Variants in CDH24 observed in about 807,000 individuals in gnomAD.
CDH24 encodes cadherin 24, also known as cadherin-24.
A neutral mutation model predicts 71.2 loss-of-function variants in CDH24; 61 were observed. The ratio of observed to expected loss-of-function variants is 0.86; its 90% CI spans 0.70 to 1.06. CDH24 has a LOEUF of 1.06. CDH24 is among the 50% of genes least tolerant of loss of function. The probability of loss-of-function intolerance (pLI) is 0.00; values close to 1 mark genes in which losing one functional copy is unlikely to be tolerated. For missense variants in CDH24, 961 were observed against 1,083.7 expected (o/e 0.89, Z 1.59); for synonymous variants, 440 against 470.2 (o/e 0.94, Z 0.83).
chr14:23,055,445 G>A lies in CDH24; in HGVS notation c.201+88C>T, dbSNP rs2047121263. The A allele has an allele frequency of 1.9e-6, 3 of 1,585,902 alleles. No homozygotes were observed. The highest frequency in any genetic ancestry group is 1.9e-4 in the Middle Eastern group (1 of 5,298). On this transcript the variant is annotated intron_variant, in intron 2 of 12. Transcript: ENST00000487137. This position sits in a 1 kb window ranked among gnomAD's most constrained non-coding sequence, Gnocchi z 4.1. ...TGGGTAGAGCGTTGGGAGTCCTGAG[G>A]GACCAAGGTCATTGCAGAAGTGATG...
Position 23,054,356 on chromosome 14 carries a change from C to T in CDH24, c.785-28G>A. 6.4e-7 allele frequency: 1 copy of T among 1,553,736 alleles called. No homozygotes were observed. The highest frequency in any genetic ancestry group is 8.7e-7 in the Non-Finnish European group (1 of 1,147,290). On this transcript the variant is annotated intron_variant, in intron 5 of 12. Coordinates refer to ENST00000487137, the MANE Select transcript of CDH24 (RefSeq NM_144985.4). The surrounding 1 kb of genome is among the most constrained non-coding windows in gnomAD (Gnocchi z 5.2). ...TGGGATGACAGAGGGGAGACACCTTCTCAGAGAGGTCCCCAGCCCTCCTCC... is the reference window on the plus strand; with the variant it reads ...TGGGATGACAGAGGGGAGACACCTTTTCAGAGAGGTCCCCAGCCCTCCTCC...
intron 8 of CDH24, among the ~76,000 whole-genome samples, chr14:23,050,493 C>CCACACACACACACACACA (rs10553168): frequency 1.4e-5 from 2 of 144,784 alleles, no homozygotes; most frequent in African/African-American, 5.1e-5. Flanking sequence ...CATATACACA[C>CCACACACACACACACACA]CACACACACA....
chr14:23,047,943 G>GT lies in CDH24; in HGVS notation c.*36_*37insA. 9.1e-7 allele frequency: 1 copy of GT among 1,094,192 alleles called. No individual in the cohort carries two copies. Among genetic ancestry groups the GT allele is most frequent in the Non-Finnish European group, 1.2e-6 (1 of 861,684 alleles). 67.8% of individuals were successfully genotyped at this position (1,094,192 alleles called of 1,614,324 possible). A position where few individuals can be genotyped will look rare whatever the true frequency, so the allele number is the denominator to read the frequency against. ...CTCACTCAGAGGGCCTGTGCCCGCT[G>GT]CCCCCCCCCCGCGGTGGGCCGGGCC... is the stretch of plus-strand genomic sequence containing the variant. On this transcript the variant is annotated 3_prime_UTR_variant, in exon 12 of 13. Coordinates refer to ENST00000487137, the MANE Select transcript of CDH24 (RefSeq NM_144985.4).
chr14:23,049,000 G>A (rs1340926816), intron 11 of CDH24, 27 bp downstream of exon 11: 1 of 1,605,090 alleles, frequency 6.2e-7, no homozygotes, highest in Non-Finnish European at 8.5e-7. Flanking sequence ...AGATCGCACA[G>A]CTATGTACCA....
At position 23,055,767 on chromosome 14, in the gene CDH24, C is replaced by G; in HGVS notation, c.-34G>C. ...TCCAGCCAGGGCTCTGTTCACTGGCCCTGGGTGCTGAGGCTGGGCCAGGCC... is the reference window on the plus strand; with the variant it reads ...TCCAGCCAGGGCTCTGTTCACTGGCGCTGGGTGCTGAGGCTGGGCCAGGCC... On this transcript the variant is annotated 5_prime_UTR_variant, in exon 2 of 13. Coordinates refer to ENST00000487137, the MANE Select transcript of CDH24 (RefSeq NM_144985.4). This position sits in a 1 kb window ranked among gnomAD's most constrained non-coding sequence, Gnocchi z 4.1. 6.6e-7 allele frequency: 1 copy of G among 1,507,848 alleles called. No individual in the cohort carries two copies. 93.4% of individuals were successfully genotyped at this position (1,507,848 alleles called of 1,614,324 possible).
At position 23,054,129 on chromosome 14, in the gene CDH24, C is replaced by A; in HGVS notation, c.972+12G>T. Reference sequence around the variant, plus strand: ...AGGTCTAAGAGAAAGCATTAACAGGCAGGAGGCTAACCTTGCGGACAGTGA... The same window carrying A: ...AGGTCTAAGAGAAAGCATTAACAGGAAGGAGGCTAACCTTGCGGACAGTGA... On this transcript the variant is annotated intron_variant, in intron 6 of 12. Transcript: ENST00000487137. This position sits in a 1 kb window ranked among gnomAD's most constrained non-coding sequence, Gnocchi z 5.2. 1 of 1,576,356 alleles carries A rather than the reference C, an allele frequency of 6.3e-7. No individual in the cohort carries two copies. The highest frequency in any genetic ancestry group is 1.1e-5 in the South Asian group (1 of 87,718).
chr14:23,049,686 T>C lies in CDH24; in HGVS notation c.1538A>G (p.His513Arg), dbSNP rs1199210408. 6.2e-7 allele frequency: 1 copy of C among 1,611,700 alleles called. No homozygotes were observed. The highest frequency in any genetic ancestry group is 1.3e-5 in the African/African-American group (1 of 74,874). The change falls in exon 10 of 13, where the codon CAT becomes CGT. Residue 513 changes from histidine (H) to arginine (R), a missense_variant. His to Arg is a conservative substitution (Grantham distance 29). This residue lies in a region of CDH24 where 671 missense variants were observed against 810.9 expected (regional missense o/e 0.83). Transcript: ENST00000487137. ...GCCCAGAGGACCTTGAAAGGAGACA[T>C]GGCTACTGTTGCCAACTTCATCTCT... is the stretch of plus-strand genomic sequence containing the variant. ...LDRDEVGNSS[H>R]VSFQGPLGPD...
intron 11 of CDH24, 56 bp from the exon 12 acceptor site, chr14:23,048,535 C>T: frequency 1.3e-6 from 2 of 1,577,594 alleles, no homozygotes; most frequent in Admixed American, 3.5e-5. Flanking sequence ...AGCGGGCGGC[C>T]TGTCTCCATG....
chr14:23,050,493 C>CCACACA (rs10553168), intron 8 of CDH24, among the ~76,000 whole-genome samples: 5,672 of 144,826 alleles, frequency 0.039, 186 homozygotes, highest in African/African-American at 0.084. Context: ...CATATACACA[C>CCACACA]CACACACACA....
chr14:23,052,824 G>A (rs57329219), intron 7 of CDH24, among the ~76,000 whole-genome samples: 14,282 of 152,104 alleles, frequency 0.094, 771 homozygotes, highest in East Asian at 0.21. Context: ...TGGGTTTCAC[G>A]GGGGGAGGGG....
In CDH24 at chr14:23,054,163, T is replaced by C. The variant is rs1288060951; in HGVS notation, c.950A>G (p.Asp317Gly). 2 of 1,606,964 alleles carry C rather than the reference T, an allele frequency of 1.2e-6. No individual in the cohort carries two copies. The highest frequency in any genetic ancestry group is 1.3e-5 in the African/African-American group (1 of 74,850). Residue 317 changes from aspartate (D) to glycine (G), a missense_variant, in exon 6 of 13, where the codon GAC (aspartate) becomes GGC (glycine). Asp to Gly is a moderately conservative substitution (Grantham distance 94). Transcript: ENST00000487137. This position sits in a 1 kb window ranked among gnomAD's most constrained non-coding sequence, Gnocchi z 5.2. ...FSISTDLQGR[D>G]GLLTVRKPLD... ...AACCTTGCGGACAGTGAGGAGCCCG[T>C]CTCGACCCTGCAAGTCTGTGCTGAT...
intron 11 of CDH24, among the ~76,000 whole-genome samples, chr14:23,048,791 G>A (rs1392916966): frequency 1.3e-5 from 2 of 152,196 alleles, no homozygotes; most frequent in African/African-American, 4.8e-5. Flanking sequence ...CACTATACTT[G>A]GCACAGAGTA....
rs1242146606 is a variant in CDH24, at chr14:23,055,830, G to C, written c.-97C>G. The C allele has an allele frequency of 5.9e-6, 6 of 1,016,702 alleles. No homozygotes were observed. The highest frequency in any genetic ancestry group is 8.4e-6 in the Non-Finnish European group (6 of 711,118). The allele number at this position is 1,016,702 out of a possible 1,614,324, so 63.0% of individuals were successfully genotyped here. A position where few individuals can be genotyped will look rare whatever the true frequency, so the allele number is the denominator to read the frequency against. On this transcript the variant is annotated 5_prime_UTR_variant, in exon 2 of 13. Transcript: ENST00000487137. This position sits in a 1 kb window ranked among gnomAD's most constrained non-coding sequence, Gnocchi z 4.1. ...AGCTGGCTGGGGTGGAGGGGCAGAT[G>C]CGTTGAGGCTACCCCATGGATCCAC...
At chr14:23,050,105 T>C (rs2047075165) in intron 8 of CDH24, 162 bp from the exon 9 acceptor site, 2 of 952,850 alleles carry the variant, frequency 2.1e-6, no homozygotes, top group Non-Finnish European at 3.1e-6. Context: ...TGTTGCAGAA[T>C]GAATGGAACA....
In CDH24 at chr14:23,052,668, C is replaced by T. The variant is rs936796225; in HGVS notation, c.1227-59G>A. 1.4e-5 allele frequency: 22 copies of T among 1,562,596 alleles called. No individual in the cohort carries two copies. The South Asian group carries it at 2.1e-4, about 15-fold the overall frequency. ...GGGGCGGGACCACAGCTTGTTCCACCCCCTCTCTTCTTTCTTCCCTCTGTT... is the reference window on the plus strand; with the variant it reads ...GGGGCGGGACCACAGCTTGTTCCACTCCCTCTCTTCTTTCTTCCCTCTGTT... On this transcript the variant is annotated intron_variant, in intron 7 of 12. Transcript: ENST00000487137.
intron 7 of CDH24, 41 bp downstream of exon 7, chr14:23,053,440 TCTGGGTGGGAAGAGC>T: frequency 6.7e-7 from 1 of 1,498,026 alleles, no homozygotes; most frequent in Non-Finnish European, 8.9e-7. Context: ...TTACTCATTC[TCTGGGTGGGAAGAGC>T]CTGCCATCTG....
chr14:23,053,699 G>C lies in CDH24; in HGVS notation c.1023C>G (p.Thr341=), dbSNP rs200684669. The C allele has an allele frequency of 1.6e-5, 26 of 1,613,434 alleles. No homozygotes were observed. Among genetic ancestry groups the C allele is most frequent in the Non-Finnish European group, 2.1e-5 (25 of 1,179,746 alleles). ...QRSYSFRVEA[T]NTLIDPAYLR... Reference sequence around the variant, plus strand: ...GATAGGCTGGGTCAATGAGCGTGTTGGTGGCCTCGACACGGAAGGAGTAGG... The same window carrying C: ...GATAGGCTGGGTCAATGAGCGTGTTCGTGGCCTCGACACGGAAGGAGTAGG... Residue 341 remains threonine (T), a synonymous_variant, in exon 7 of 13, where the codon ACC becomes ACG. Coordinates refer to ENST00000487137, the MANE Select transcript of CDH24 (RefSeq NM_144985.4).
chr14:23,051,603 T>C lies in CDH24; in HGVS notation c.1363+870A>G, dbSNP rs1220666354. Among the ~76,000 whole-genome samples the C allele has an allele frequency of 6.6e-6, 1 of 152,194 alleles. No homozygotes were observed. Among genetic ancestry groups the C allele is most frequent in the Admixed American group, 6.5e-5 (1 of 15,286 alleles). ...CAACAGTAAACACATATATATCCAT[T>C]ACAGATATATACCCACAAATATATA... On this transcript the variant is annotated intron_variant, in intron 8 of 12. Transcript: ENST00000487137. The surrounding 1 kb of genome is among the most constrained non-coding windows in gnomAD (Gnocchi z 4.4).
chr14:23,049,537 G>T, intron 10 of CDH24, 90 bp downstream of exon 10: 1 of 817,110 alleles, frequency 1.2e-6, no homozygotes, highest in Middle Eastern at 3.3e-4. Context: ...GAGGCAGGTG[G>T]GGCAGGGGTC....
Sources: gnomAD v4.1 joint callset for allele counts (sites outside exome capture counted in the v4.1 genomes callset) on GRCh38, gnomAD v4.1.1 for gene constraint, gnomAD v4.1.1 regional missense constraint, Gnocchi (gnomAD v3.1) non-coding constraint, MANE v1.5 for transcripts, NCBI Gene and HGNC (gene_info 2026-07-23, HGNC 2026-07-21) for gene names.